FGF14: variants seen among roughly 807,000 people sequenced by gnomAD.
The protein encoded by FGF14 is fibroblast growth factor homologous factor 4.
A neutral mutation model predicts 25.5 loss-of-function variants in FGF14; 5 were observed. The observed-to-expected ratio is 0.20, with a 90% confidence interval of 0.10 to 0.41. FGF14 has a LOEUF of 0.41. FGF14 is among the 10% of genes least tolerant of loss of function. FGF14 has a pLI of 1.00. For missense variants in FGF14, 222 were observed against 320.1 expected, an observed-to-expected ratio of 0.69 and a Z score of 2.34; for synonymous variants, 138 against 118.3, an observed-to-expected ratio of 1.17 and a Z score of -1.08.
chr13:102,292,249 C>T (rs2054446055), intron 1 of FGF14: 1 of 131,486 alleles, frequency 7.6e-6, no homozygotes, highest in South Asian at 2.4e-4. Flanking sequence ...ATTTTACCTG[C>T]CAAATATTTC....
intron 1 of FGF14, among the ~76,000 whole-genome samples, chr13:102,028,381 G>C (rs139494179): frequency 9.2e-5 from 14 of 152,230 alleles, no homozygotes; most frequent in African/African-American, 3.1e-4. Context: ...ACCAGTGGAA[G>C]TGAGAATGCA....
intron 1 of FGF14, among the ~76,000 whole-genome samples, chr13:102,348,224 G>A (rs1295357341): frequency 6.6e-6 from 1 of 152,120 alleles, no homozygotes; most frequent in Non-Finnish European, 1.5e-5. Flanking sequence ...TACTATAGTC[G>A]AAATAGCATA....
chr13:101,884,933 G>T (rs926994765), intron 1 of FGF14, among the ~76,000 whole-genome samples: 1 of 152,010 alleles, frequency 6.6e-6, no homozygotes, highest in Non-Finnish European at 1.5e-5. Context: ...CTTCTTAGGG[G>T]CTTGACTATG....
At chr13:101,851,945 A>T (rs1440336294) in intron 3 of FGF14, among the ~76,000 whole-genome samples, 1 of 152,134 alleles carries the variant, frequency 6.6e-6, no homozygotes, top group South Asian at 2.1e-4. Flanking sequence ...TCCTATGGTC[A>T]CACAGCTTGT....
At chr13:102,111,122 T>C (rs2045202336) in intron 1 of FGF14, among the ~76,000 whole-genome samples, 1 of 152,112 alleles carries the variant, frequency 6.6e-6, no homozygotes, top group African/African-American at 2.4e-5. Flanking sequence ...CAGTCAGGCC[T>C]TTCACAGCCT....
At chr13:102,033,850 C>T (rs1247092451) in intron 1 of FGF14, among the ~76,000 whole-genome samples, 1 of 152,084 alleles carries the variant, frequency 6.6e-6, no homozygotes, top group Non-Finnish European at 1.5e-5. Context: ...ACCAAGACTC[C>T]CTACCAGCTC....
chr13:101,874,238 G>A (rs1192751787), intron 2 of FGF14, among the ~76,000 whole-genome samples: 1 of 151,934 alleles, frequency 6.6e-6, no homozygotes, highest in African/African-American at 2.4e-5. Context: ...AAAAAAGGAA[G>A]TGCCTTCTGA....
In FGF14 at chr13:101,721,702, A is replaced by AACAC. The variant is rs2035000943; in HGVS notation, c.*1125_*1128dup. 2.0e-5 allele frequency: 3 copies of AACAC among 152,184 alleles called. No homozygotes were observed. The highest frequency in any genetic ancestry group is 1.5e-5 in the Non-Finnish European group (1 of 68,024). 9.4% of individuals were successfully genotyped at this position (152,184 alleles called of 1,614,324 possible). A position where few individuals can be genotyped will look rare whatever the true frequency, so the allele number is the denominator to read the frequency against. On this transcript the variant is annotated 3_prime_UTR_variant, in exon 5 of 5. Transcript: ENST00000376143. ...CGTTTGCATTGCTGCTGCAGGAAAG[A>AACAC]ACACAACAGCCGTCTTGCCCATGCT...
At chr13:101,966,881 C>A (rs930207670) in intron 1 of FGF14, among the ~76,000 whole-genome samples, 3 of 152,046 alleles carry the variant, frequency 2.0e-5, no homozygotes, top group Non-Finnish European at 2.9e-5. Flanking sequence ...TATTGTTTGG[C>A]GAACTGTAGC....
intron 1 of FGF14, among the ~76,000 whole-genome samples, chr13:102,181,416 C>T (rs2048669854): frequency 6.6e-6 from 1 of 152,060 alleles, no homozygotes; most frequent in Non-Finnish European, 1.5e-5. Flanking sequence ...ATCCCTGATA[C>T]CCATGAATGT....
chr13:102,226,910 C>T (rs1033419584), intron 1 of FGF14, among the ~76,000 whole-genome samples: 2 of 152,082 alleles, frequency 1.3e-5, no homozygotes, highest in Non-Finnish European at 2.9e-5. Context: ...GTATTTTCTA[C>T]AGAAAATGGT....
At chr13:101,801,468 A>T (rs1391524812) in intron 3 of FGF14, among the ~76,000 whole-genome samples, 1 of 152,066 alleles carries the variant, frequency 6.6e-6, no homozygotes, top group Non-Finnish European at 1.5e-5. Context: ...ATATTACTTT[A>T]AAAAGTGTGC....
chr13:101,982,084 A>AAT (rs2038301532), intron 1 of FGF14, among the ~76,000 whole-genome samples: 1 of 152,214 alleles, frequency 6.6e-6, no homozygotes, highest in Non-Finnish European at 1.5e-5. Flanking sequence ...TAGGGTCACC[A>AAT]TAAAATTTGA....
intron 1 of FGF14, among the ~76,000 whole-genome samples, chr13:102,282,854 TAA>T (rs764944154): frequency 1.2e-4 from 16 of 138,672 alleles, no homozygotes; most frequent in Admixed American, 2.2e-4. Flanking sequence ...GTCATGCAAT[TAA>T]AAAAAAAAAA....
intron 1 of FGF14, among the ~76,000 whole-genome samples, chr13:101,979,275 C>G (rs1373392341): frequency 6.6e-6 from 1 of 152,154 alleles, no homozygotes; most frequent in African/African-American, 2.4e-5. Context: ...TTGTAAAGTG[C>G]TTAGAACAAT....
intron 1 of FGF14, among the ~76,000 whole-genome samples, chr13:102,143,789 CG>C (rs948029500): frequency 1.3e-5 from 2 of 152,144 alleles, no homozygotes; most frequent in African/African-American, 4.8e-5. Flanking sequence ...AAATTAAAAC[CG>C]TTGCTTCCTT....
At chr13:102,161,664 GAAGAAGAAGAAGAA>G (rs2047746326) in intron 1 of FGF14, among the ~76,000 whole-genome samples, 1 of 32,438 alleles carries the variant, frequency 3.1e-5, no homozygotes, top group African/African-American at 1.1e-4. Context: ...AGAAGAAGAA[GAAGAAGAAGAAGAA>G]GAAGAAGAAG....
At position 101,832,818 on chromosome 13, in the gene FGF14, T is replaced by C. The variant is rs76308124; in HGVS notation, c.408+35907A>G. 2.0e-3 allele frequency among the ~76,000 whole-genome samples: 300 copies of C among 152,118 alleles called. 3 individuals are homozygous for C. The highest frequency in any genetic ancestry group is 2.7e-3 in the South Asian group (13 of 4,818). ...CTCGAGAAAGGTTTTAGGAGTAGTGTGGGATGAGTTTATATCACAAAATTA... is the reference window on the plus strand; with the variant it reads ...CTCGAGAAAGGTTTTAGGAGTAGTGCGGGATGAGTTTATATCACAAAATTA... On this transcript the variant is annotated intron_variant, in intron 3 of 4. Coordinates refer to ENST00000376143, the MANE Select transcript of FGF14 (RefSeq NM_004115.4).
intron 3 of FGF14, among the ~76,000 whole-genome samples, chr13:101,746,094 G>A (rs756406228): frequency 1.4e-4 from 21 of 151,978 alleles, no homozygotes; most frequent in Non-Finnish European, 2.6e-4. Context: ...ATTTTAAATG[G>A]CCTGCAATTA....
Sources: allele counts gnomAD v4.1 joint callset (sites outside exome capture counted in the v4.1 genomes callset), GRCh38; gene constraint gnomAD v4.1.1; transcripts MANE v1.5; gene names NCBI Gene and HGNC (gene_info 2026-07-23, HGNC 2026-07-21).